Variants in POC5 observed in about 807,000 individuals in gnomAD.
The protein encoded by POC5 is centrosomal protein POC5.
A neutral mutation model predicts 62.9 loss-of-function variants in POC5; 48 were observed. That is an observed-to-expected ratio of 0.76 (90% confidence interval 0.61 to 0.97). The LOEUF (loss-of-function observed/expected upper bound fraction) is 0.97. POC5 is among the 50% of genes least tolerant of loss of function. The pLI is 0.00. For synonymous variants in POC5, 236 were observed against 228.2 expected, an observed-to-expected ratio of 1.03 and a Z score of -0.31; for missense variants, 696 against 679.5, an observed-to-expected ratio of 1.02 and a Z score of -0.27.
At chr5:75,704,753 A>G (rs1777050079) in intron 4 of POC5, among the ~76,000 whole-genome samples, 1 of 152,246 alleles carries the variant, frequency 6.6e-6, no homozygotes, top group Admixed American at 6.5e-5. Flanking sequence ...ACAAGTGAGG[A>G]AACTAAGGGT....
At chr5:75,690,897 T>A (rs1395695594) in intron 7 of POC5, among the ~76,000 whole-genome samples, 1 of 152,212 alleles carries the variant, frequency 6.6e-6, no homozygotes, top group African/African-American at 2.4e-5. Flanking sequence ...ATCTTAGTTA[T>A]GAATTTAGCA....
chr5:75,686,378 T>C (rs1053027873), intron 9 of POC5, among the ~76,000 whole-genome samples: 7 of 152,210 alleles, frequency 4.6e-5, no homozygotes, highest in African/African-American at 1.7e-4. Context: ...AATGGTTTTC[T>C]ATGTAGTTCT....
intron 11 of POC5, 137 bp from the exon 12 acceptor site, chr5:75,674,715 G>C: frequency 8.8e-7 from 1 of 1,134,818 alleles, no homozygotes; most frequent in South Asian, 1.5e-5. Flanking sequence ...GTGGAGTGAA[G>C]CAGCTGTTAA....
rs764198523 is a variant in POC5 at position 75,702,735 on chromosome 5, T to A, written c.383A>T (p.Asp128Val). The A allele has an allele frequency of 5.0e-6, 8 of 1,604,528 alleles. No homozygotes were observed. Among genetic ancestry groups the A allele is most frequent in the Non-Finnish European group, 6.8e-6 (8 of 1,175,168 alleles). ...AGAATTTGTTGCTGGTGAGGAAGAG[T>A]CAGCTAAAAGATGTGAACTGAAAAA... ...MDFFSSHLLA[D>V]SSSPATNSSH... Residue 128 changes from aspartate (D) to valine (V), a missense_variant, in exon 5 of 12, where the codon GAC (aspartate) becomes GTC (valine). Transcript: ENST00000428202.
intron 5 of POC5, among the ~76,000 whole-genome samples, chr5:75,699,788 G>A (rs908262805): frequency 7.1e-6 from 1 of 141,732 alleles, no homozygotes; most frequent in Non-Finnish European, 1.6e-5. Flanking sequence ...CTCCCTGTTT[G>A]CAGACGACAT....
chr5:75,705,352 T>C (rs759392046), intron 4 of POC5: 101 of 163,132 alleles, frequency 6.2e-4, no homozygotes, highest in Admixed American at 2.2e-3. Flanking sequence ...TGAAAATCCT[T>C]ACACTGGTAC....
At chr5:75,712,727 A>T (rs746808131) in intron 2 of POC5, 127 bp downstream of exon 2, 1 of 787,516 alleles carries the variant, frequency 1.3e-6, no homozygotes, top group African/African-American at 1.8e-5. Context: ...CTGAAGTTTG[A>T]TATTATTATA....
chr5:75,676,189 CAT>C (rs1381309480), intron 11 of POC5, among the ~76,000 whole-genome samples: 1 of 152,208 alleles, frequency 6.6e-6, no homozygotes. Context: ...AATAAACACA[CAT>C]GTGCTCTCTT....
intron 6 of POC5, among the ~76,000 whole-genome samples, chr5:75,692,818 TCTC>T (rs2112127252): frequency 6.6e-6 from 1 of 152,050 alleles, no homozygotes; most frequent in South Asian, 2.1e-4. Flanking sequence ...ATTTGAAAGT[TCTC>T]CTATATACAC....
Position 75,712,437 on chromosome 5 carries a change from C to T in POC5, c.84+417G>A. On this transcript the variant is annotated intron_variant, in intron 2 of 11. Coordinates refer to ENST00000428202, the MANE Select transcript of POC5 (RefSeq NM_001099271.2). ...CAGCAGATTGTACTGAATGTTGTGACAACAGAGACCAAACCTCAGCAAGTA... is the reference window on the plus strand; with the variant it reads ...CAGCAGATTGTACTGAATGTTGTGATAACAGAGACCAAACCTCAGCAAGTA... The T allele has an allele frequency of 4.3e-6, 7 of 1,611,904 alleles. No homozygotes were observed. In the South Asian group the frequency reaches 5.5e-5, roughly 13 times the overall value.
At position 75,688,276 on chromosome 5, in the gene POC5, T is replaced by A. The variant is rs72768384; in HGVS notation, c.1129+736A>T. Among the ~76,000 whole-genome samples, 353 of 152,330 alleles carry A rather than the reference T, an allele frequency of 2.3e-3. 1 individual carries two copies. Among genetic ancestry groups the A allele is most frequent in the Admixed American group, 3.9e-3 (60 of 15,302 alleles). On this transcript the variant is annotated intron_variant, in intron 9 of 11. Coordinates refer to ENST00000428202, the MANE Select transcript of POC5 (RefSeq NM_001099271.2). ...ACACGTTAAAGTGCATTTTGTCTTT[T>A]AAAGTGTTTTCAGATATGTTTTACT...
chr5:75,682,661 G>A (rs746216377), intron 10 of POC5, among the ~76,000 whole-genome samples: 1 of 151,850 alleles, frequency 6.6e-6, no homozygotes, highest in Non-Finnish European at 1.5e-5. Flanking sequence ...GATTACAGGC[G>A]CATGCCACCA....
intron 1 of POC5, among the ~76,000 whole-genome samples, chr5:75,715,924 T>C (rs1481846057): frequency 6.6e-6 from 1 of 152,014 alleles, no homozygotes; most frequent in Non-Finnish European, 1.5e-5. Flanking sequence ...GAGAAGAAAA[T>C]AGAATTAGAT....
At chr5:75,715,349 TA>T in intron 1 of POC5, among the ~76,000 whole-genome samples, 1 of 143,360 alleles carries the variant, frequency 7.0e-6, no homozygotes, top group South Asian at 2.2e-4. Flanking sequence ...CAAAACTGGG[TA>T]ATTTATAAAT....
At chr5:75,681,631 TA>T (rs753375527) in intron 10 of POC5, among the ~76,000 whole-genome samples, 387 of 147,718 alleles carry the variant, frequency 2.6e-3, no homozygotes, top group Admixed American at 4.1e-3. Flanking sequence ...AATAATTTTT[TA>T]AAATAATAAT....
rs758466399 is a variant in POC5 at position 75,690,440 on chromosome 5, T to A, written c.918A>T (p.Ala306=). 1 of 1,612,598 alleles carries A rather than the reference T, an allele frequency of 6.2e-7. No individual in the cohort carries two copies. The highest frequency in any genetic ancestry group is 1.1e-5 in the South Asian group (1 of 90,730). The stretch of plus-strand genomic sequence containing the variant: ...TCTGGATACAAACTTCTTCAGCTCT[T>A]GCTTGACAAGCTCTTTCTACCACAT... ...WKDVVERACQ[A]RAEEVCIQIS... is the part of the protein sequence containing the mutation. The change falls in exon 8 of 12, where the codon GCA becomes GCT. Residue 306 remains alanine, a synonymous_variant. Coordinates refer to ENST00000428202, the MANE Select transcript of POC5 (RefSeq NM_001099271.2).
intron 6 of POC5, 65 bp downstream of exon 6, chr5:75,694,590 T>C (rs1408889537): frequency 2.4e-6 from 3 of 1,244,134 alleles, no homozygotes; most frequent in Non-Finnish European, 3.2e-6. Flanking sequence ...AATCATTTCT[T>C]AGAATTTATT....
At chr5:75,705,885 A>C in intron 3 of POC5, 98 bp from the exon 4 acceptor site, 1 of 690,670 alleles carries the variant, frequency 1.4e-6, no homozygotes, top group Non-Finnish European at 2.3e-6. Context: ...ATAATATTTT[A>C]GAACAAACAA....
intron 2 of POC5, among the ~76,000 whole-genome samples, chr5:75,710,609 C>T (rs1344843569): frequency 6.6e-6 from 1 of 152,192 alleles, no homozygotes; most frequent in African/African-American, 2.4e-5. Context: ...AGAGCCCTCA[C>T]CAGAAACTGA....
Sources: allele counts gnomAD v4.1 joint callset (sites outside exome capture counted in the v4.1 genomes callset), GRCh38; gene constraint gnomAD v4.1.1; transcripts MANE v1.5; gene names NCBI Gene and HGNC (gene_info 2026-07-23, HGNC 2026-07-21).